NTN1: variants seen among roughly 807,000 people sequenced by gnomAD.
The protein encoded by NTN1 is netrin-1.
NTN1 carries 11 observed loss-of-function variants against 54.2 expected under a neutral mutation model. The observed-to-expected ratio is 0.20, with a 90% CI of 0.13 to 0.34. NTN1 has a LOEUF of 0.34. Among genes scored for constraint, NTN1 ranks in the 10% least tolerant of loss-of-function variants. The pLI, the probability that NTN1 is intolerant of heterozygous loss-of-function variation, is 1.00. For missense variants in NTN1, 740 were observed against 893.1 expected, an observed-to-expected ratio of 0.83 and a Z score of 2.18; for synonymous variants, 371 against 382.0, an observed-to-expected ratio of 0.97 and a Z score of 0.33.
intron 5 of NTN1, among the ~76,000 whole-genome samples, chr17:9,189,302 G>A (rs1338194577): frequency 1.3e-5 from 2 of 152,216 alleles, no homozygotes; most frequent in African/African-American, 2.4e-5. Context: ...TTGCCTGGGC[G>A]CAGAGTCTGT....
intron 2 of NTN1, among the ~76,000 whole-genome samples, chr17:9,130,388 C>G (rs71371893): frequency 1.5e-3 from 234 of 152,254 alleles, no homozygotes; most frequent in Non-Finnish European, 2.5e-3. Context: ...GGGAATGATG[C>G]ACCTGTTCCC....
At chr17:9,003,586 A>G in the NTN1 span, among the ~76,000 whole-genome samples, 4 of 148,266 alleles carry the variant, frequency 2.7e-5, no homozygotes, top group Non-Finnish European at 6.0e-5. This position sits in a 1 kb window ranked among gnomAD's most constrained non-coding sequence, Gnocchi z 7.4. Flanking sequence ...CGGCCAAGCC[A>G]GCCCCGGCCC....
chr17:9,193,937 A>AAAAAAAAAAAAAAAAAAG, intron 5 of NTN1, among the ~76,000 whole-genome samples: 1 of 139,116 alleles, frequency 7.2e-6, no homozygotes, highest in Admixed American at 7.3e-5. Context: ...AAAAAAAAAA[A>AAAAAAAAAAAAAAAAAAG]AAAAAAACAT....
intron 2 of NTN1, among the ~76,000 whole-genome samples, chr17:9,060,071 A>T (rs11650357): frequency 0.23 from 35,306 of 152,016 alleles, 5,023 homozygotes; most frequent in East Asian, 0.5. Flanking sequence ...TTAGAGTAGG[A>T]TACATAATGA....
chr17:9,228,486 G>T (rs866257709), intron 6 of NTN1, among the ~76,000 whole-genome samples: 1 of 152,152 alleles, frequency 6.6e-6, no homozygotes, highest in African/African-American at 2.4e-5. Context: ...TCCACGCCCC[G>T]ATCCCCTGCC....
In NTN1 at chr17:9,034,684, A is replaced by C. The variant is rs8068954; in HGVS notation, c.1018+11293A>C. 8.2e-3 allele frequency among the ~76,000 whole-genome samples: 1,252 copies of C among 152,034 alleles called. 19 individuals are homozygous for C. Among genetic ancestry groups the C allele is most frequent in the African/African-American group, 0.029 (1,192 of 41,468 alleles). On this transcript the variant is annotated intron_variant, in intron 2 of 6. Transcript: ENST00000173229. Reference sequence around the variant, plus strand: ...GTGATCCACCCACCTCAGCCTCCCAAAGTGCTGGGATTACAGGGGTGAGCC... The same window carrying C: ...GTGATCCACCCACCTCAGCCTCCCACAGTGCTGGGATTACAGGGGTGAGCC...
intron 5 of NTN1, among the ~76,000 whole-genome samples, chr17:9,194,317 C>T (rs746343795): frequency 6.6e-6 from 1 of 152,146 alleles, no homozygotes; most frequent in Non-Finnish European, 1.5e-5. Flanking sequence ...GGGCTGCTTT[C>T]GAGGATGCAA....
intron 2 of NTN1, among the ~76,000 whole-genome samples, chr17:9,102,316 G>T (rs2092153018): frequency 8.5e-6 from 1 of 118,306 alleles, no homozygotes; most frequent in African/African-American, 3.1e-5. Context: ...CATGGCAGAA[G>T]GGGGAGCAAA....
intron 2 of NTN1, among the ~76,000 whole-genome samples, chr17:9,151,122 CT>C (rs1325179975): frequency 2.6e-5 from 4 of 152,198 alleles, no homozygotes; most frequent in South Asian, 2.1e-4. Context: ...CCCCCCACCC[CT>C]GTCCCTTCCC....
chr17:9,232,840 C>T (rs1442455527), intron 6 of NTN1, among the ~76,000 whole-genome samples: 1 of 152,174 alleles, frequency 6.6e-6, no homozygotes, highest in Non-Finnish European at 1.5e-5. Context: ...CTCTGGCGGC[C>T]CTTCCTCCCT....
At chr17:9,231,106 C>T (rs1028313721) in intron 6 of NTN1, among the ~76,000 whole-genome samples, 10 of 152,148 alleles carry the variant, frequency 6.6e-5, no homozygotes, top group African/African-American at 2.4e-4. Context: ...ACGCAGAGCG[C>T]GGGTGGGCAT....
chr17:9,067,038 A>C (rs1386749616), intron 2 of NTN1, among the ~76,000 whole-genome samples: 4 of 149,210 alleles, frequency 2.7e-5, no homozygotes, highest in Non-Finnish European at 5.9e-5. Context: ...CGGAGTCGGC[A>C]CTTTGGGAGG....
Position 9,123,169 on chromosome 17 carries a change from T to C in NTN1, c.1019-39644T>C, listed in dbSNP as rs1330661948. Among the ~76,000 whole-genome samples, 5 of 152,342 alleles carry C rather than the reference T, an allele frequency of 3.3e-5. No individual in the cohort carries two copies. The East Asian group carries it at 9.6e-4, about 29-fold the overall frequency. ...CAGTTTATAGAGTGTGAATTTTTTT[T>C]CTTTGTTTCCTCAGGTATATTGCAT... On this transcript the variant is annotated intron_variant, in intron 2 of 6. Coordinates refer to ENST00000173229, the MANE Select transcript of NTN1 (RefSeq NM_004822.3).
At position 9,163,541 on chromosome 17, in the gene NTN1, G is replaced by A. The variant is rs1003419884; in HGVS notation, c.1207+540G>A. On this transcript the variant is annotated intron_variant, in intron 3 of 6. Transcript: ENST00000173229. Reference sequence around the variant, plus strand: ...ACACACGTACAGTCACAGCGGAGTCGGCAGTTTCAGGGGCAGGGTCTCAGA... The same window carrying A: ...ACACACGTACAGTCACAGCGGAGTCAGCAGTTTCAGGGGCAGGGTCTCAGA... 2.1e-4 allele frequency among the ~76,000 whole-genome samples: 31 copies of A among 148,508 alleles called. 1 individual carries two copies. Among genetic ancestry groups the A allele is most frequent in the Admixed American group, 1.3e-3 (20 of 14,828 alleles).
At chr17:9,145,287 G>T (rs1449135573) in intron 2 of NTN1, among the ~76,000 whole-genome samples, 1 of 152,180 alleles carries the variant, frequency 6.6e-6, no homozygotes, top group African/African-American at 2.4e-5. Flanking sequence ...CTAGGAACCT[G>T]TCTTGTTCCC....
intron 6 of NTN1, among the ~76,000 whole-genome samples, chr17:9,225,763 C>T (rs1008744878): frequency 6.6e-6 from 1 of 151,688 alleles, no homozygotes; most frequent in African/African-American, 2.4e-5. Context: ...GCTGCATAAT[C>T]CCCGCTCTCT....
chr17:9,077,508 A>G (rs2092054927), intron 2 of NTN1, among the ~76,000 whole-genome samples: 1 of 152,214 alleles, frequency 6.6e-6, no homozygotes, highest in Admixed American at 6.5e-5. Flanking sequence ...CCTCACCTAT[A>G]AAATGGAGAT....
At chr17:9,234,677 C>G (rs138895878) in intron 6 of NTN1, among the ~76,000 whole-genome samples, 1 of 152,310 alleles carries the variant, frequency 6.6e-6, no homozygotes, top group Admixed American at 6.5e-5. Context: ...CGCTCACTTG[C>G]AGCAGTCAGC....
At chr17:9,053,479 T>C (rs2091967444) in intron 2 of NTN1, among the ~76,000 whole-genome samples, 1 of 152,250 alleles carries the variant, frequency 6.6e-6, no homozygotes, top group Non-Finnish European at 1.5e-5. Context: ...ATTTAAGTCC[T>C]GCAGCAGAAG....
Sources: gnomAD v4.1 joint callset for allele counts (sites outside exome capture counted in the v4.1 genomes callset) on GRCh38, gnomAD v4.1.1 for gene constraint, Gnocchi (gnomAD v3.1) non-coding constraint, MANE v1.5 for transcripts, NCBI Gene and HGNC (gene_info 2026-07-23, HGNC 2026-07-21) for gene names.